Variants in BEND6 observed in about 807,000 individuals in gnomAD.
The protein encoded by BEND6 is BEN domain containing 6.
A neutral mutation model predicts 31.8 loss-of-function variants in BEND6; 24 were observed. The ratio of observed to expected loss-of-function variants is 0.75; its 90% CI spans 0.55 to 1.06. The LOEUF (loss-of-function observed/expected upper bound fraction) is 1.06. BEND6 is among the 50% of genes least tolerant of loss of function. The pLI is 0.00. For synonymous variants in BEND6, 109 were observed against 114.6 expected, an observed-to-expected ratio of 0.95 and a Z score of 0.31; for missense variants, 294 against 327.4, an observed-to-expected ratio of 0.90 and a Z score of 0.79.
At chr6:56,990,379 C>T (rs1179174905) in intron 2 of BEND6, among the ~76,000 whole-genome samples, 1 of 151,406 alleles carries the variant, frequency 6.6e-6, no homozygotes, top group Non-Finnish European at 1.5e-5. Context: ...CCCGAGTAAC[C>T]AGGACTACAG....
intron 2 of BEND6, among the ~76,000 whole-genome samples, chr6:56,983,442 C>T (rs909793971): frequency 6.6e-6 from 1 of 152,038 alleles, no homozygotes; most frequent in African/African-American, 2.4e-5. Context: ...CTCTGACTTA[C>T]ATCTCCTCAT....
chr6:56,991,968 T>G (rs1339798783), intron 2 of BEND6, among the ~76,000 whole-genome samples: 1 of 152,244 alleles, frequency 6.6e-6, no homozygotes, highest in Non-Finnish European at 1.5e-5. Flanking sequence ...GCTTTTCTAT[T>G]TATTAAATCA....
At position 56,966,623 on chromosome 6, in the gene BEND6, C is replaced by G. The variant is rs199682051; in HGVS notation, c.-101+11163C>G. 4.6e-5 allele frequency among the ~76,000 whole-genome samples: 7 copies of G among 152,296 alleles called. No homozygotes were observed. The East Asian group carries it at 1.2e-3, about 25-fold the overall frequency. On this transcript the variant is annotated intron_variant, in intron 1 of 6. Coordinates refer to ENST00000370746, the MANE Select transcript of BEND6 (RefSeq NM_152731.3). ...GATTGGGATAAGTGACACTGTGGAG[C>G]AGGTGAAGATTGCCTTCCACTTTTC...
Position 57,015,539 on chromosome 6 carries a change from C to G in BEND6, c.519+186C>G, listed in dbSNP as rs149511968. The stretch of plus-strand genomic sequence containing the variant: ...AAGGTGGCCAGGTGTGGTGGCTCAC[C>G]CCTGTAATCCCAGCACTTTGGGAGG... On this transcript the variant is annotated intron_variant, in intron 4 of 6. Coordinates refer to ENST00000370746, the MANE Select transcript of BEND6 (RefSeq NM_152731.3). 8.6e-3 allele frequency among the ~76,000 whole-genome samples: 1,297 copies of G among 151,528 alleles called. 18 individuals are homozygous for G. The highest frequency in any genetic ancestry group is 0.029 in the African/African-American group (1,178 of 41,312).
intron 6 of BEND6, 109 bp downstream of exon 6, chr6:57,018,666 C>A: frequency 8.8e-7 from 1 of 1,130,324 alleles, no homozygotes; most frequent in Non-Finnish European, 1.1e-6. Flanking sequence ...ATACTAGTGA[C>A]CCATGAAAAG....
In BEND6 at chr6:56,992,542, G is replaced by T; in HGVS notation, c.285G>T (p.Leu95Phe). The T allele has an allele frequency of 6.2e-7, 1 of 1,611,266 alleles. No individual in the cohort carries two copies. ...AAAACAGCCGACTTCGACAGTCTTT[G>T]GTCATGCTTCAAGGTAAACTTTGAG... The part of the protein sequence containing the change: ...RKENSRLRQS[L>F]VMLQVLPQAV... Residue 95 changes from leucine (L) to phenylalanine (F), a missense_variant, in exon 3 of 7, where the codon TTG becomes TTT. Physicochemically the swap from Leu to Phe is conservative, Grantham distance 22 (BLOSUM62 0). Coordinates refer to ENST00000370746, the MANE Select transcript of BEND6 (RefSeq NM_152731.3).
chr6:56,997,982 G>A (rs936163668), intron 3 of BEND6, among the ~76,000 whole-genome samples: 18 of 151,740 alleles, frequency 1.2e-4, no homozygotes, highest in Non-Finnish European at 2.5e-4. Flanking sequence ...GGTGGGGGGC[G>A]GCAAGAGGCA....
At chr6:57,009,361 A>C (rs1024958027) in intron 3 of BEND6, 5 of 152,202 alleles carry the variant, frequency 3.3e-5, no homozygotes, top group African/African-American at 1.2e-4. Flanking sequence ...TTTATACATT[A>C]TATGTATCAA....
chr6:56,968,335 T>G (rs2127842589), intron 1 of BEND6, among the ~76,000 whole-genome samples: 1 of 141,172 alleles, frequency 7.1e-6, no homozygotes, highest in East Asian at 2.1e-4. Context: ...TTTTTTTTTT[T>G]TTTGAGACAG....
chr6:57,018,332 G>T (rs1338076654), intron 5 of BEND6, 89 bp from the exon 6 acceptor site: 2 of 1,378,164 alleles, frequency 1.5e-6, no homozygotes, highest in South Asian at 1.5e-5. Flanking sequence ...AAATTATAAT[G>T]TAGAATACTT....
At chr6:56,991,726 TA>T (rs1458810305) in intron 2 of BEND6, among the ~76,000 whole-genome samples, 2 of 151,962 alleles carry the variant, frequency 1.3e-5, no homozygotes, top group Non-Finnish European at 2.9e-5. Context: ...AATACACATA[TA>T]AAAAATGTAT....
chr6:57,012,403 C>T (rs1827378814), intron 3 of BEND6, among the ~76,000 whole-genome samples: 1 of 152,154 alleles, frequency 6.6e-6, no homozygotes, highest in Non-Finnish European at 1.5e-5. Flanking sequence ...GTGGTTGCCT[C>T]TGTGGTAAGT....
intron 3 of BEND6, 59 bp from the exon 4 acceptor site, chr6:57,015,074 G>A: frequency 2.1e-6 from 3 of 1,430,904 alleles, no homozygotes; most frequent in Non-Finnish European, 9.7e-7. Flanking sequence ...AAAAAAATAT[G>A]TACATATGCA....
At chr6:56,983,754 T>C (rs1826148543) in intron 2 of BEND6, among the ~76,000 whole-genome samples, 1 of 152,164 alleles carries the variant, frequency 6.6e-6, no homozygotes, top group Non-Finnish European at 1.5e-5. Context: ...ATTAGCACTG[T>C]TTTTAATACC....
Position 56,995,467 on chromosome 6 carries a change from C to T in BEND6, c.298+2912C>T, listed in dbSNP as rs150313132. Among the ~76,000 whole-genome samples, 1,419 of 152,272 alleles carry T rather than the reference C, an allele frequency of 9.3e-3. 21 individuals are homozygous for T. The highest frequency in any genetic ancestry group is 0.031 in the African/African-American group (1,280 of 41,570). Reference sequence around the variant, plus strand: ...CTAGGGCTGCAGTGACAAAGTACCACAAACTAGGTGGCTTAAACCACAGAA... The same window carrying T: ...CTAGGGCTGCAGTGACAAAGTACCATAAACTAGGTGGCTTAAACCACAGAA... On this transcript the variant is annotated intron_variant, in intron 3 of 6. Coordinates refer to ENST00000370746, the MANE Select transcript of BEND6 (RefSeq NM_152731.3).
chr6:56,966,128 G>A (rs996081438), intron 1 of BEND6, among the ~76,000 whole-genome samples: 1 of 152,098 alleles, frequency 6.6e-6, no homozygotes, highest in Non-Finnish European at 1.5e-5. Context: ...TTGAGACCGA[G>A]TCTTGCTCTG....
chr6:56,973,963 G>C (rs908831938), intron 1 of BEND6, among the ~76,000 whole-genome samples: 1 of 152,090 alleles, frequency 6.6e-6, no homozygotes, highest in Non-Finnish European at 1.5e-5. Flanking sequence ...ATGTTGTCCA[G>C]ACTGATCTTG....
chr6:56,984,937 T>C (rs1355083755), intron 2 of BEND6, among the ~76,000 whole-genome samples: 1 of 152,214 alleles, frequency 6.6e-6, no homozygotes, highest in African/African-American at 2.4e-5. Context: ...TTTTCAAAAC[T>C]TGAAGATTGA....
At chr6:57,017,101 TA>T in intron 4 of BEND6, 105 bp from the exon 5 acceptor site, 2 of 516,938 alleles carry the variant, frequency 3.9e-6, no homozygotes, top group Non-Finnish European at 6.0e-6. Flanking sequence ...TATCTTACCT[TA>T]AAAAATGTTG....
Sources: allele counts gnomAD v4.1 joint callset (sites outside exome capture counted in the v4.1 genomes callset), GRCh38; gene constraint gnomAD v4.1.1; transcripts MANE v1.5; gene names NCBI Gene and HGNC (gene_info 2026-07-23, HGNC 2026-07-21).